Variants in LARGE1 observed in about 807,000 individuals in gnomAD.
The protein encoded by LARGE1 is xylosyl- and glucuronyltransferase LARGE1.
Under a neutral mutation model 87.6 loss-of-function variants are expected in LARGE1, and 43 were observed. The ratio of observed to expected loss-of-function variants is 0.49; its 90% CI spans 0.38 to 0.63. LARGE1 has a LOEUF of 0.63. Among genes scored for constraint, LARGE1 ranks in the 30% least tolerant of loss-of-function variants. The probability of loss-of-function intolerance (pLI) is 0.00; values close to 1 mark genes in which losing one functional copy is unlikely to be tolerated. For missense variants in LARGE1, 802 were observed against 1,000.2 expected, an observed-to-expected ratio of 0.80 and a Z score of 2.67; for synonymous variants, 434 against 394.6, an observed-to-expected ratio of 1.10 and a Z score of -1.18.
the LARGE1 span, among the ~76,000 whole-genome samples, chr22:33,067,050 T>G: frequency 0.39 from 58,291 of 151,404 alleles, 11,464 homozygotes; most frequent in African/African-American, 0.45. Context: ...CAGCATTCCT[T>G]GTCACCTTCT....
At chr22:33,667,704 G>T (rs1278869029) in intron 2 of LARGE1, among the ~76,000 whole-genome samples, 2 of 152,140 alleles carry the variant, frequency 1.3e-5, no homozygotes, top group Admixed American at 6.5e-5. Context: ...CTGTTAAATG[G>T]GGGTAAAAAC....
At chr22:33,206,595 A>T (rs1250490831) in intron 11 of LARGE1, among the ~76,000 whole-genome samples, 2 of 152,186 alleles carry the variant, frequency 1.3e-5, no homozygotes, top group African/African-American at 2.4e-5. Flanking sequence ...CCAAGGACAC[A>T]TATGCAGGCT....
At chr22:33,498,627 C>G (rs1283794529) in intron 6 of LARGE1, among the ~76,000 whole-genome samples, 2 of 152,202 alleles carry the variant, frequency 1.3e-5, no homozygotes, top group Non-Finnish European at 2.9e-5. Context: ...ACTTCCAAAT[C>G]ATGTAAATAA....
At chr22:33,650,845 T>C (rs1396584194) in intron 2 of LARGE1, among the ~76,000 whole-genome samples, 177 bp from the exon 3 acceptor site, 3 of 152,080 alleles carry the variant, frequency 2.0e-5, no homozygotes, top group Non-Finnish European at 4.4e-5. Context: ...GGGAACAAAG[T>C]TGAGAACAGA....
At chr22:33,662,607 TAA>T (rs2081161729) in intron 2 of LARGE1, among the ~76,000 whole-genome samples, 1 of 151,926 alleles carries the variant, frequency 6.6e-6, no homozygotes, top group Admixed American at 6.6e-5. Context: ...ATGGGGCTGG[TAA>T]AAAGAGGAAT....
chr22:33,292,572 A>G (rs1932760394), intron 12 of LARGE1, among the ~76,000 whole-genome samples: 1 of 152,054 alleles, frequency 6.6e-6, no homozygotes, highest in African/African-American at 2.4e-5. Context: ...CAAAAGGGAG[A>G]GGGGAGAGCA....
intron 6 of LARGE1, among the ~76,000 whole-genome samples, chr22:33,484,080 C>A (rs967411787): frequency 2.6e-5 from 4 of 152,166 alleles, no homozygotes; most frequent in African/African-American, 9.7e-5. Context: ...ACACGTGACA[C>A]CTTCTAAAGC....
At chr22:33,767,662 A>C (rs547242311) in intron 1 of LARGE1, among the ~76,000 whole-genome samples, 1 of 152,192 alleles carries the variant, frequency 6.6e-6, no homozygotes, top group South Asian at 2.1e-4. Flanking sequence ...AATTAGCATC[A>C]TGGATGTTAG....
intron 7 of LARGE1, among the ~76,000 whole-genome samples, chr22:33,404,429 T>C (rs1010741801): frequency 1.3e-5 from 2 of 152,020 alleles, no homozygotes; most frequent in Non-Finnish European, 2.9e-5. Context: ...GCTAGGACTA[T>C]TAACATTATT....
At chr22:33,688,222 G>A (rs922656644) in intron 2 of LARGE1, among the ~76,000 whole-genome samples, 2 of 152,178 alleles carry the variant, frequency 1.3e-5, no homozygotes, top group Non-Finnish European at 2.9e-5. Flanking sequence ...ACAGAGCTGT[G>A]GTCAAGATTA....
chr22:33,247,852 C>T (rs1926837494), intron 11 of LARGE1, among the ~76,000 whole-genome samples: 1 of 152,182 alleles, frequency 6.6e-6, no homozygotes. Context: ...AACAGATGCC[C>T]GTGAGCTGGT....
rs117646786 is a variant in LARGE1, at chr22:33,205,384, A to C, written c.1731-38552T>G. Among the ~76,000 whole-genome samples the C allele has an allele frequency of 7.0e-3, 1,071 of 152,376 alleles. 6 individuals carry two copies. Among genetic ancestry groups the C allele is most frequent in the Non-Finnish European group, 0.013 (854 of 68,038 alleles). On this transcript the variant is annotated intron_variant, in intron 11 of 11. Coordinates refer to the LARGE1 transcript ENST00000608642. ...CCTAATTCAGCTTTTAAAAAGTTCC[A>C]GATGCTGAGCACAAAGAGTTGAACA... is the stretch of plus-strand genomic sequence containing the variant.
intron 3 of LARGE1, among the ~76,000 whole-genome samples, chr22:33,646,248 T>C (rs867634373): frequency 1.3e-5 from 2 of 152,144 alleles, no homozygotes; most frequent in African/African-American, 4.8e-5. Flanking sequence ...TGGAATACTA[T>C]GCGGCCATAA....
chr22:33,860,905 T>A (rs771540326), intron 1 of LARGE1, among the ~76,000 whole-genome samples: 4 of 152,160 alleles, frequency 2.6e-5, no homozygotes, highest in Admixed American at 1.3e-4. Flanking sequence ...GATGACCTAC[T>A]GCACTGCCAC....
Position 33,650,455 on chromosome 22 carries a change from C to G in LARGE1, c.320G>C (p.Gly107Ala). The change falls in exon 3 of 15, where the codon GGC (glycine) becomes GCC (alanine). Residue 107 changes from glycine to alanine, a missense_variant. This residue lies in a region of LARGE1 where 177 missense variants were observed against 158.3 expected (regional missense o/e 1.12). Transcript: ENST00000397394. ...CCGAAGGTTCTCGCTGTCTCCAGTGCCCTCCTCCATGGAGTAGGTCTTGGA... is the reference window on the plus strand; with the variant it reads ...CCGAAGGTTCTCGCTGTCTCCAGTGGCCTCCTCCATGGAGTAGGTCTTGGA... ...NHSKTYSMEE[G>A]TGDSENLRAG... 6.2e-7 allele frequency: 1 copy of G among 1,614,112 alleles called. No homozygotes were observed. The highest frequency in any genetic ancestry group is 8.5e-7 in the Non-Finnish European group (1 of 1,180,042).
At chr22:33,203,173 G>C (rs1924499529) in intron 11 of LARGE1, among the ~76,000 whole-genome samples, 1 of 151,658 alleles carries the variant, frequency 6.6e-6, no homozygotes, top group Non-Finnish European at 1.5e-5. Context: ...CAGACAGAGA[G>C]AGGCTGGTGA....
the LARGE1 span, among the ~76,000 whole-genome samples, chr22:33,135,255 T>G: frequency 1.3e-5 from 2 of 152,004 alleles, no homozygotes; most frequent in Non-Finnish European, 1.5e-5. Context: ...TGGATGAGAG[T>G]TTCAGGGAAG....
At chr22:33,455,757 CAAAAAAAA>C (rs35353034) in intron 6 of LARGE1, among the ~76,000 whole-genome samples, 2 of 64,232 alleles carry the variant, frequency 3.1e-5, no homozygotes, top group Non-Finnish European at 5.8e-5. Flanking sequence ...CTGTCTCAGC[CAAAAAAAA>C]AAAAAAAAAA....
At position 33,324,387 on chromosome 22, in the gene LARGE1, A is replaced by G. The variant is rs540802511; in HGVS notation, c.1288-8139T>C. Among the ~76,000 whole-genome samples the G allele has an allele frequency of 4.0e-5, 6 of 150,238 alleles. No homozygotes were observed. In the East Asian group the frequency reaches 1.2e-3, roughly 30 times the overall value. ...GGGTAATTTCTCTGGGGAGCCATGG[A>G]GCCGGAGGGAGTATTTCATTAACAG... On this transcript the variant is annotated intron_variant, in intron 10 of 14. Coordinates refer to ENST00000397394, the MANE Select transcript of LARGE1 (RefSeq NM_133642.5).
Sources: allele counts gnomAD v4.1 joint callset (sites outside exome capture counted in the v4.1 genomes callset), GRCh38; gene constraint gnomAD v4.1.1; regional missense constraint gnomAD v4.1.1; transcripts MANE v1.5; gene names NCBI Gene and HGNC (gene_info 2026-07-23, HGNC 2026-07-21).